Variants in TPRG1 observed in about 807,000 individuals in gnomAD.
TPRG1 encodes tumor protein p63 regulated 1, also known as tumor protein p63-regulated gene 1 protein.
A neutral mutation model predicts 29.3 loss-of-function variants in TPRG1; 29 were observed. The observed-to-expected ratio is 0.99, with a 90% CI of 0.74 to 1.35. The LOEUF is 1.35. Among genes scored for constraint, TPRG1 ranks in the 40% most tolerant of loss-of-function variants. The probability of loss-of-function intolerance (pLI) is 0.00; values close to 1 mark genes in which losing one functional copy is unlikely to be tolerated. For missense variants in TPRG1, 327 were observed against 335.0 expected (o/e 0.98, Z 0.19); for synonymous variants, 130 against 116.8 (o/e 1.11, Z -0.73).
At chr3:189,041,215 C>T (rs1203933721) in intron 4 of TPRG1, among the ~76,000 whole-genome samples, 1 of 152,158 alleles carries the variant, frequency 6.6e-6, no homozygotes, top group Non-Finnish European at 1.5e-5. Context: ...AGGAGCCCAC[C>T]TCCCCCTAGA....
At chr3:189,134,842 C>G (rs1398090594) in intron 3 of TPRG1, among the ~76,000 whole-genome samples, 1 of 152,160 alleles carries the variant, frequency 6.6e-6, no homozygotes, top group Admixed American at 6.5e-5. Context: ...CCACCTGACT[C>G]CTAGCCCAGT....
At chr3:189,299,118 G>GT (rs961310805) in intron 4 of TPRG1, among the ~76,000 whole-genome samples, 1 of 147,910 alleles carries the variant, frequency 6.8e-6, no homozygotes, top group Admixed American at 6.8e-5. Context: ...GCTGAAACTT[G>GT]TTTTTTTAGG....
At chr3:189,033,875 C>G (rs1714095675) in intron 4 of TPRG1, among the ~76,000 whole-genome samples, 1 of 152,060 alleles carries the variant, frequency 6.6e-6, no homozygotes, top group South Asian at 2.1e-4. Flanking sequence ...CGTGCCCAGC[C>G]TACTCCTCTT....
At chr3:189,088,938 C>A (rs536621504) in intron 4 of TPRG1, among the ~76,000 whole-genome samples, 2 of 151,936 alleles carry the variant, frequency 1.3e-5, no homozygotes, top group Non-Finnish European at 2.9e-5. Context: ...TGTTTCTCTC[C>A]CTCTCTGTCA....
intron 3 of TPRG1, among the ~76,000 whole-genome samples, chr3:189,222,029 C>T (rs942408361): frequency 2.6e-5 from 4 of 151,770 alleles, no homozygotes; most frequent in Non-Finnish European, 5.9e-5. Context: ...GTTAAATAAT[C>T]TTTGTGCCTG....
intron 4 of TPRG1, among the ~76,000 whole-genome samples, chr3:189,300,226 A>G (rs1249161015): frequency 6.6e-6 from 1 of 152,208 alleles, no homozygotes; most frequent in East Asian, 1.9e-4. Context: ...CTGATCTAGC[A>G]CCTACTACTT....
intron 1 of TPRG1, among the ~76,000 whole-genome samples, chr3:189,176,544 G>A (rs1729511396): frequency 6.6e-6 from 1 of 152,188 alleles, no homozygotes; most frequent in African/African-American, 2.4e-5. Context: ...TGTAATATAT[G>A]AGATATGGAG....
chr3:189,032,473 T>C (rs1324152256), intron 4 of TPRG1, among the ~76,000 whole-genome samples: 1 of 152,160 alleles, frequency 6.6e-6, no homozygotes, highest in African/African-American at 2.4e-5. Flanking sequence ...AAAAATAGAA[T>C]ACACTAGATA....
At chr3:189,317,148 G>C (rs910803154) in intron 5 of TPRG1, among the ~76,000 whole-genome samples, 1 of 152,290 alleles carries the variant, frequency 6.6e-6, no homozygotes, top group South Asian at 2.1e-4. Flanking sequence ...GCCAGAGGAA[G>C]CATTCAGTAA....
At chr3:189,099,949 G>A (rs2001402), upstream of TPRG1, among the ~76,000 whole-genome samples, 44,200 of 152,064 alleles carry the variant, frequency 0.29, 7,722 homozygotes, top group African/African-American at 0.47. Flanking sequence ...TTTGTCCCAC[G>A]TAGGTCCATC....
At chr3:189,200,395 G>A (rs1011647436) in intron 1 of TPRG1, among the ~76,000 whole-genome samples, 3 of 152,162 alleles carry the variant, frequency 2.0e-5, no homozygotes, top group Non-Finnish European at 2.9e-5. Flanking sequence ...AGAGACTCAC[G>A]GAAGCCTGCA....
chr3:189,015,107 T>A (rs953398605), intron 3 of TPRG1, among the ~76,000 whole-genome samples: 2 of 152,134 alleles, frequency 1.3e-5, no homozygotes, highest in Non-Finnish European at 1.5e-5. Context: ...GACAAGAAAG[T>A]CCAGGGCGAG....
chr3:189,053,080 AG>A (rs1438281928), intron 4 of TPRG1, among the ~76,000 whole-genome samples: 2 of 152,184 alleles, frequency 1.3e-5, no homozygotes, highest in African/African-American at 4.8e-5. Flanking sequence ...AATAACTTAC[AG>A]AAAAAAAAGA....
rs981672224 is a variant in TPRG1, at chr3:189,244,109, A to G, written c.479+5200A>G. On this transcript the variant is annotated intron_variant, in intron 4 of 5. Transcript: ENST00000345063. ...ATTCTGTTCTCTCATTGCTATAAAGAAATATCTGCGACTGGGTAATTTATT... is the reference window on the plus strand; with the variant it reads ...ATTCTGTTCTCTCATTGCTATAAAGGAATATCTGCGACTGGGTAATTTATT... 4.5e-4 allele frequency among the ~76,000 whole-genome samples: 68 copies of G among 152,146 alleles called. 1 individual carries two copies. The highest frequency in any genetic ancestry group is 1.5e-3 in the African/African-American group (63 of 41,424).
intron 4 of TPRG1, among the ~76,000 whole-genome samples, chr3:189,043,956 C>A (rs1394885124): frequency 6.6e-6 from 1 of 152,094 alleles, no homozygotes; most frequent in East Asian, 1.9e-4. Flanking sequence ...GAGACTAAGA[C>A]AAATAACTTC....
intron 4 of TPRG1, among the ~76,000 whole-genome samples, chr3:189,052,633 T>C (rs1247517563): frequency 2.0e-5 from 3 of 152,210 alleles, no homozygotes; most frequent in African/African-American, 7.2e-5. Context: ...AAAAAGATAC[T>C]TTCACATGCA....
At chr3:189,302,993 C>A (rs1471093895) in intron 4 of TPRG1, among the ~76,000 whole-genome samples, 1 of 152,158 alleles carries the variant, frequency 6.6e-6, no homozygotes, top group Non-Finnish European at 1.5e-5. Flanking sequence ...ATAAACTTAG[C>A]AGTCAAGAAT....
chr3:189,041,558 A>C (rs539600679), intron 4 of TPRG1, among the ~76,000 whole-genome samples: 1 of 152,312 alleles, frequency 6.6e-6, no homozygotes, highest in Admixed American at 6.5e-5. Context: ...AAAACTGCAC[A>C]TGGGGCATGG....
upstream of TPRG1, among the ~76,000 whole-genome samples, chr3:189,095,859 AG>A (rs1718641924): frequency 6.6e-6 from 1 of 152,162 alleles, no homozygotes; most frequent in Non-Finnish European, 1.5e-5. Flanking sequence ...AAGCTCAGCC[AG>A]GGCCTAACGT....
Sources: allele counts gnomAD v4.1 joint callset (sites outside exome capture counted in the v4.1 genomes callset), GRCh38; gene constraint gnomAD v4.1.1; transcripts MANE v1.5; gene names NCBI Gene and HGNC (gene_info 2026-07-23, HGNC 2026-07-21).